Variants in RABGAP1 observed in about 807,000 individuals in gnomAD.
RABGAP1 encodes rab GTPase-activating protein 1.
In RABGAP1, 23 loss-of-function variants were observed where a neutral mutation model predicts 137.6. The ratio of observed to expected loss-of-function variants is 0.17; its 90% confidence interval spans 0.12 to 0.24. RABGAP1 has a LOEUF of 0.24. RABGAP1 is among the 10% of genes least tolerant of loss of function. RABGAP1 has a pLI of 1.00. For synonymous variants in RABGAP1, 451 were observed against 450.7 expected (o/e 1.00, Z -0.01); for missense variants, 906 against 1,275.8 (o/e 0.71, Z 4.42).
chr9:123,054,673 G>A (rs181133478), intron 13 of RABGAP1, among the ~76,000 whole-genome samples: 237 of 152,246 alleles, frequency 1.6e-3, no homozygotes, highest in Non-Finnish European at 2.8e-3. Context: ...CCAGGTGAGT[G>A]CACTACATTT....
chr9:122,962,697 A>G (rs1834913034), intron 2 of RABGAP1, among the ~76,000 whole-genome samples: 1 of 152,174 alleles, frequency 6.6e-6, no homozygotes, highest in South Asian at 2.1e-4. Flanking sequence ...GAGACACACT[A>G]AAAATGATAA....
chr9:123,004,710 A>T (rs2030053552), intron 10 of RABGAP1, among the ~76,000 whole-genome samples: 2 of 152,130 alleles, frequency 1.3e-5, no homozygotes, highest in African/African-American at 4.8e-5. Context: ...TTATATGCAT[A>T]TATTTTATTT....
intron 6 of RABGAP1, 109 bp from the exon 7 acceptor site, chr9:122,995,932 A>G (rs1837000647): frequency 6.8e-7 from 1 of 1,465,170 alleles, no homozygotes; most frequent in South Asian, 1.5e-5. Flanking sequence ...ATTATTTGCA[A>G]ACTAGGCACA....
chr9:123,064,927 CTGG>C (rs1250628610), intron 13 of RABGAP1, among the ~76,000 whole-genome samples: 1 of 152,224 alleles, frequency 6.6e-6, no homozygotes, highest in Non-Finnish European at 1.5e-5. Context: ...CATTTGAAAA[CTGG>C]CATATGGGCT....
intron 2 of RABGAP1, chr9:122,971,713 C>T (rs1176771546): frequency 6.6e-6 from 1 of 152,156 alleles, no homozygotes; most frequent in African/African-American, 2.4e-5. Context: ...GCAAATTACA[C>T]ATGGCTGAAG....
intron 10 of RABGAP1, among the ~76,000 whole-genome samples, chr9:123,008,042 A>G (rs1193187207): frequency 1.3e-5 from 2 of 151,728 alleles, no homozygotes; most frequent in African/African-American, 4.8e-5. Flanking sequence ...ACTATGGAAA[A>G]TTCAAACATA....
At chr9:123,028,583 A>C (rs1479530288) in intron 13 of RABGAP1, among the ~76,000 whole-genome samples, 2 of 152,250 alleles carry the variant, frequency 1.3e-5, no homozygotes, top group Non-Finnish European at 2.9e-5. Flanking sequence ...GCGTGTACTC[A>C]AGGCAGTTCC....
chr9:123,091,273 C>T (rs1376274344), intron 21 of RABGAP1, among the ~76,000 whole-genome samples: 1 of 152,114 alleles, frequency 6.6e-6, no homozygotes, highest in Non-Finnish European at 1.5e-5. Context: ...AGGATTTTTA[C>T]GGGGGTCTTA....
intron 14 of RABGAP1, among the ~76,000 whole-genome samples, chr9:123,069,932 C>T (rs553266134): frequency 9.3e-4 from 142 of 152,178 alleles, no homozygotes; most frequent in South Asian, 1.7e-3. Context: ...AATAACCATG[C>T]ATGTATAGCA....
intron 18 of RABGAP1, 122 bp from the exon 19 acceptor site, chr9:123,076,512 A>G (rs1483765757): frequency 1.6e-6 from 2 of 1,256,978 alleles, no homozygotes; most frequent in Non-Finnish European, 2.2e-6. Flanking sequence ...TGGCTCTGAC[A>G]AAAGCTAAGA....
rs1006235737 is a variant in RABGAP1, at chr9:123,050,783, C to T, written c.1795-14565C>T. Among the ~76,000 whole-genome samples the T allele has an allele frequency of 2.9e-4, 44 of 152,070 alleles. 2 individuals are homozygous for T. Among genetic ancestry groups the T allele is most frequent in the Non-Finnish European group, 7.3e-5 (5 of 68,028 alleles). ...TAAGATTGAGCTGCAGATTTGATTC[C>T]GAGCCTCCTGAAGGCCGAAGCAAAA... is the stretch of plus-strand genomic sequence containing the variant. On this transcript the variant is annotated intron_variant, in intron 13 of 25. Coordinates refer to ENST00000373647, the MANE Select transcript of RABGAP1 (RefSeq NM_012197.4).
At chr9:123,024,900 A>G (rs1158520897) in intron 13 of RABGAP1, among the ~76,000 whole-genome samples, 2 of 152,192 alleles carry the variant, frequency 1.3e-5, no homozygotes, top group African/African-American at 2.4e-5. Flanking sequence ...ATGCATTATA[A>G]ATATATTTTT....
intron 13 of RABGAP1, among the ~76,000 whole-genome samples, chr9:123,047,084 T>C (rs1320714905): frequency 6.6e-6 from 1 of 152,206 alleles, no homozygotes; most frequent in African/African-American, 2.4e-5. Flanking sequence ...ATAGGAGTTT[T>C]CAGCAGGTTT....
At chr9:123,092,516 C>A (rs113168781) in intron 21 of RABGAP1, among the ~76,000 whole-genome samples, 4 of 151,888 alleles carry the variant, frequency 2.6e-5, no homozygotes, top group African/African-American at 9.7e-5. Context: ...TTGAAGGTAC[C>A]CAGGAAGAAG....
At chr9:123,035,702 C>A (rs1449438588) in intron 13 of RABGAP1, 10 of 844,878 alleles carry the variant, frequency 1.2e-5, no homozygotes, top group Non-Finnish European at 1.6e-5. Context: ...TCTAAGTATT[C>A]CTAATTCACT....
At chr9:123,098,400 A>G (rs2035246833) in intron 22 of RABGAP1, among the ~76,000 whole-genome samples, 1 of 152,206 alleles carries the variant, frequency 6.6e-6, no homozygotes, top group African/African-American at 2.4e-5. Flanking sequence ...CAGTCCTCTT[A>G]TGAGCTCTTT....
Position 123,074,435 on chromosome 9 carries a change from A to G in RABGAP1, c.2253+7A>G, listed in dbSNP as rs200382383. 23 of 1,609,968 alleles carry G rather than the reference A, an allele frequency of 1.4e-5. No individual in the cohort carries two copies. The highest frequency in any genetic ancestry group is 3.3e-4 in the Middle Eastern group (2 of 6,064). ...CGACCTGCTTTTATGTGAGGTATGT[A>G]TCAGAGGCCACAGCACTTTGGCTTT... is the stretch of plus-strand genomic sequence containing the variant. On this transcript the variant is annotated splice_region_variant and intron_variant, in intron 17 of 25. Transcript: ENST00000373647.
At chr9:122,998,096 A>AT (rs1361962247) in intron 9 of RABGAP1, among the ~76,000 whole-genome samples, 4 of 151,516 alleles carry the variant, frequency 2.6e-5, no homozygotes, top group Non-Finnish European at 5.9e-5. Flanking sequence ...TTTTTATTTT[A>AT]TTTATTTATT....
chr9:122,953,698 C>T (rs1050187912), intron 1 of RABGAP1, among the ~76,000 whole-genome samples: 9 of 152,208 alleles, frequency 5.9e-5, no homozygotes, highest in South Asian at 4.1e-4. Flanking sequence ...TGCGCCCGCC[C>T]GGAACCAGTA....
Sources: gnomAD v4.1 joint callset for allele counts (sites outside exome capture counted in the v4.1 genomes callset) on GRCh38, gnomAD v4.1.1 for gene constraint, MANE v1.5 for transcripts, NCBI Gene and HGNC (gene_info 2026-07-23, HGNC 2026-07-21) for gene names.